NDUFA10: variants seen among roughly 807,000 people sequenced by gnomAD.
NDUFA10 encodes NADH dehydrogenase [ubiquinone] 1 alpha subcomplex subunit 10, mitochondrial.
Under a neutral mutation model 47.8 loss-of-function variants are expected in NDUFA10, and 40 were observed. That is an observed-to-expected ratio of 0.84 (90% CI 0.65 to 1.09). The LOEUF is 1.09. Among genes scored for constraint, NDUFA10 ranks in the 50% least tolerant of loss-of-function variants. The pLI is 0.00. For missense variants in NDUFA10, 413 were observed against 451.1 expected, an observed-to-expected ratio of 0.92 and a Z score of 0.76; for synonymous variants, 183 against 172.2, an observed-to-expected ratio of 1.06 and a Z score of -0.49.
intron 4 of NDUFA10, chr2:240,017,725 C>T (rs1411786299): frequency 4.8e-6 from 5 of 1,052,086 alleles, no homozygotes; most frequent in Middle Eastern, 2.1e-4. Context: ...TTGCAGTGCT[C>T]TTGCGGGCGG....
At chr2:239,912,250 T>G (rs1481850824) in intron 4 of NDUFA10, among the ~76,000 whole-genome samples, 1 of 152,152 alleles carries the variant, frequency 6.6e-6, no homozygotes, top group Non-Finnish European at 1.5e-5. Context: ...GCTGCCTACC[T>G]GGGAACATCT....
At chr2:239,968,643 G>T (rs909336083) in intron 9 of NDUFA10, among the ~76,000 whole-genome samples, 1 of 152,146 alleles carries the variant, frequency 6.6e-6, no homozygotes, top group Non-Finnish European at 1.5e-5. Flanking sequence ...AAAGGGGTGG[G>T]GCCTAGGCAG....
chr2:240,017,943 G>A (rs1697432952), intron 4 of NDUFA10: 1 of 1,517,874 alleles, frequency 6.6e-7, no homozygotes, highest in Non-Finnish European at 9.0e-7. Context: ...CTGTCCACCA[G>A]GCCTATTCAA....
chr2:240,002,330 C>CAAAAAA (rs61475593), intron 8 of NDUFA10, among the ~76,000 whole-genome samples: 1 of 83,744 alleles, frequency 1.2e-5, no homozygotes, highest in African/African-American at 5.7e-5. Context: ...AACTCTGACT[C>CAAAAAA]AAAAAAAAAA....
rs1400215877 is a variant in NDUFA10 at position 239,975,521 on chromosome 2, AAAG to A, written c.1000-14338_1000-14336del. 6.6e-5 allele frequency among the ~76,000 whole-genome samples: 10 copies of A among 152,340 alleles called. No homozygotes were observed. The East Asian group carries it at 1.7e-3, about 26-fold the overall frequency. The stretch of plus-strand genomic sequence containing the variant: ...CCTCCCAGAAGCTGCAGGACCTCAG[AAAG>A]CCACTGTGTCAAACTGCTCATTTGC... On this transcript the variant is annotated intron_variant, in intron 9 of 9. Coordinates refer to ENST00000252711, the MANE Select transcript of NDUFA10 (RefSeq NM_004544.4).
intron 9 of NDUFA10, among the ~76,000 whole-genome samples, chr2:239,964,276 A>C (rs1559325241): frequency 6.6e-6 from 1 of 152,024 alleles, no homozygotes; most frequent in Non-Finnish European, 1.5e-5. Context: ...GAAATCAGAG[A>C]AGGAGATGTG....
chr2:239,974,225 A>G (rs1200033222), intron 9 of NDUFA10, among the ~76,000 whole-genome samples: 2 of 152,178 alleles, frequency 1.3e-5, no homozygotes, highest in East Asian at 1.9e-4. Context: ...CACTGCACCC[A>G]ATGAAAACGC....
chr2:239,902,628 A>T (rs930730054), intron 4 of NDUFA10, among the ~76,000 whole-genome samples: 2 of 152,188 alleles, frequency 1.3e-5, no homozygotes, highest in African/African-American at 4.8e-5. Flanking sequence ...ACACTTGTAC[A>T]CTCTGTGTCC....
rs1435283348 is a variant in NDUFA10 at position 239,987,458 on chromosome 2, C to T, written c.999+2616G>A. ...ATGATCCTGACACCGAGACCACACTCGGCGAACCATCACATTCAAGAGTTT... is the reference window on the plus strand; with the variant it reads ...ATGATCCTGACACCGAGACCACACTTGGCGAACCATCACATTCAAGAGTTT... On this transcript the variant is annotated intron_variant, in intron 9 of 9. Transcript: ENST00000252711. This position sits in a 1 kb window ranked among gnomAD's most constrained non-coding sequence, Gnocchi z 4.8. Among the ~76,000 whole-genome samples the T allele has an allele frequency of 2.6e-5, 4 of 152,078 alleles. No individual in the cohort carries two copies. Among genetic ancestry groups the T allele is most frequent in the Admixed American group, 6.5e-5 (1 of 15,286 alleles).
intron 4 of NDUFA10, among the ~76,000 whole-genome samples, chr2:239,919,827 T>C (rs1434592189): frequency 6.6e-6 from 1 of 152,170 alleles, no homozygotes; most frequent in Admixed American, 6.5e-5. Flanking sequence ...TCTCCTGCCA[T>C]TTGGAGAGAA....
chr2:239,936,654 TA>T (rs1166382886), intron 4 of NDUFA10, among the ~76,000 whole-genome samples: 2 of 152,128 alleles, frequency 1.3e-5, no homozygotes, highest in Non-Finnish European at 2.9e-5. Context: ...AACCTGCTTT[TA>T]AAAAAGTAAG....
chr2:239,906,827 T>C lies in NDUFA10; in HGVS notation c.295-11513A>G, dbSNP rs1340330689. 2.0e-5 allele frequency among the ~76,000 whole-genome samples: 3 copies of C among 152,208 alleles called. No homozygotes were observed. Among genetic ancestry groups the C allele is most frequent in the Admixed American group, 6.5e-5 (1 of 15,282 alleles). ...AGAATCAATATTGTGAAAATGGCCA[T>C]ACTGCACAAGGTAATTTATAGATTC... On this transcript the variant is annotated intron_variant, in intron 4 of 5. Transcript: ENST00000419408. This position sits in a 1 kb window ranked among gnomAD's most constrained non-coding sequence, Gnocchi z 4.3.
At chr2:239,980,317 C>T (rs1695721628) in intron 9 of NDUFA10, among the ~76,000 whole-genome samples, 1 of 152,210 alleles carries the variant, frequency 6.6e-6, no homozygotes, top group Non-Finnish European at 1.5e-5. Context: ...GGCTTGGCAG[C>T]AGGTATTGGG....
At chr2:239,916,262 A>G (rs555433573) in intron 4 of NDUFA10, among the ~76,000 whole-genome samples, 1 of 152,024 alleles carries the variant, frequency 6.6e-6, no homozygotes, top group South Asian at 2.1e-4. Context: ...ACACACACAC[A>G]CAGAACACAC....
chr2:239,974,024 T>G (rs1329795272), intron 9 of NDUFA10, among the ~76,000 whole-genome samples: 1 of 152,154 alleles, frequency 6.6e-6, no homozygotes, highest in African/African-American at 2.4e-5. Context: ...CCTCCTGGAT[T>G]CAAGTGATTC....
chr2:240,006,306 T>C (rs1696946538), intron 7 of NDUFA10, among the ~76,000 whole-genome samples: 1 of 152,216 alleles, frequency 6.6e-6, no homozygotes, highest in East Asian at 1.9e-4. Flanking sequence ...CTGAGTAGAA[T>C]AAACCAAGGT....
chr2:239,963,053 G>A (rs868416919), intron 9 of NDUFA10, among the ~76,000 whole-genome samples: 1 of 152,194 alleles, frequency 6.6e-6, no homozygotes, highest in Admixed American at 6.5e-5. Context: ...CTAAAGGCGG[G>A]GGGGAGGGTG....
chr2:239,920,606 T>C (rs1251365164), intron 4 of NDUFA10, among the ~76,000 whole-genome samples: 1 of 152,208 alleles, frequency 6.6e-6, no homozygotes, highest in Non-Finnish European at 1.5e-5. Flanking sequence ...TGTCTCCGTC[T>C]CCTTAACTTC....
intron 4 of NDUFA10, among the ~76,000 whole-genome samples, chr2:239,900,165 G>T (rs7594238): frequency 6.6e-6 from 1 of 151,570 alleles, no homozygotes; most frequent in Non-Finnish European, 1.5e-5. Context: ...AGGGGGTCTC[G>T]GGCCTTCAGC....
Sources: allele counts gnomAD v4.1 joint callset (sites outside exome capture counted in the v4.1 genomes callset), GRCh38; gene constraint gnomAD v4.1.1; non-coding constraint Gnocchi (gnomAD v3.1); transcripts MANE v1.5; gene names NCBI Gene and HGNC (gene_info 2026-07-23, HGNC 2026-07-21).